Variants in FHOD3 observed in about 807,000 individuals in gnomAD.
The protein encoded by FHOD3 is FH1/FH2 domain-containing protein 3.
FHOD3 carries 90 observed loss-of-function variants against 173.0 expected under a neutral mutation model. That is an observed-to-expected ratio of 0.52 (90% CI 0.44 to 0.62). The LOEUF (loss-of-function observed/expected upper bound fraction) is 0.62, where lower values mean the gene tolerates loss of function less well. Among genes scored for constraint, FHOD3 ranks in the 20% least tolerant of loss-of-function variants. The pLI, the probability that FHOD3 is intolerant of heterozygous loss-of-function variation, is 0.00. For missense variants in FHOD3, 1,945 were observed against 2,034.7 expected, an observed-to-expected ratio of 0.96 and a Z score of 0.85; for synonymous variants, 828 against 823.0, an observed-to-expected ratio of 1.01 and a Z score of -0.10.
chr18:36,595,275 T>C (rs1364944010), intron 7 of FHOD3, among the ~76,000 whole-genome samples: 3 of 152,046 alleles, frequency 2.0e-5, no homozygotes. Flanking sequence ...CCCCAGATGT[T>C]TCTAGAACCT....
At position 36,297,958 on chromosome 18, in the gene FHOD3, C is replaced by A. The variant is rs1391654941; in HGVS notation, c.123C>A (p.Thr41=). Reference sequence around the variant, plus strand: ...TCCGCGAGGACCTCGCGCTCGGCACCCAGCTGGCGGGGGTCCATAGGCTGC... The same window carrying A: ...TCCGCGAGGACCTCGCGCTCGGCACACAGCTGGCGGGGGTCCATAGGCTGC... ...FTFREDLALG[T]QLAGVHRLLQ... is the part of the protein sequence containing the mutation. The change falls in exon 1 of 29, where the codon ACC becomes ACA. Residue 41 remains threonine, a synonymous_variant. Coordinates refer to ENST00000590592, the MANE Select transcript of FHOD3 (RefSeq NM_001281740.3). The A allele has an allele frequency of 1.9e-6, 3 of 1,566,314 alleles. No homozygotes were observed. Among genetic ancestry groups the A allele is most frequent in the East Asian group, 2.4e-5 (1 of 41,344 alleles).
rs1293964830 is a variant in FHOD3, at chr18:36,594,514, G to A, written c.607-273G>A. Among the ~76,000 whole-genome samples, 4 of 152,238 alleles carry A rather than the reference G, an allele frequency of 2.6e-5. 1 individual carries two copies. Among genetic ancestry groups the A allele is most frequent in the South Asian group, 4.1e-4 (2 of 4,820 alleles). Reference sequence around the variant, plus strand: ...CCAGGTGTGAGTTCTGGAGCCATGCGTCCTGGGTTCATGTCCTGGTGCTGT... The same window carrying A: ...CCAGGTGTGAGTTCTGGAGCCATGCATCCTGGGTTCATGTCCTGGTGCTGT... On this transcript the variant is annotated intron_variant, in intron 6 of 28. Coordinates refer to ENST00000590592, the MANE Select transcript of FHOD3 (RefSeq NM_001281740.3).
chr18:36,505,828 A>G (rs2055271265), intron 4 of FHOD3, among the ~76,000 whole-genome samples: 1 of 152,204 alleles, frequency 6.6e-6, no homozygotes, highest in African/African-American at 2.4e-5. Flanking sequence ...TCCTATGGGA[A>G]ATACGGGTGC....
intron 17 of FHOD3, among the ~76,000 whole-genome samples, chr18:36,707,365 A>G (rs1399190969): frequency 6.6e-6 from 1 of 152,074 alleles, no homozygotes; most frequent in African/African-American, 2.4e-5. Context: ...AAGATGCACA[A>G]CCTGTAATCA....
chr18:36,509,457 A>G (rs1283264883), intron 4 of FHOD3, among the ~76,000 whole-genome samples: 2 of 151,544 alleles, frequency 1.3e-5, no homozygotes, highest in African/African-American at 4.8e-5. Context: ...AAAAAAGAAA[A>G]CAGTATTTAT....
intron 22 of FHOD3, among the ~76,000 whole-genome samples, chr18:36,743,242 G>A (rs2041988878): frequency 7.4e-6 from 1 of 134,904 alleles, no homozygotes. Flanking sequence ...CCGGGAAGCA[G>A]AGGTTGCAGT....
chr18:36,452,517 A>C (rs920270263), intron 3 of FHOD3, among the ~76,000 whole-genome samples: 1 of 152,228 alleles, frequency 6.6e-6, no homozygotes, highest in South Asian at 2.1e-4. Flanking sequence ...GGTGTTAACT[A>C]TAGGCATAGT....
At chr18:36,476,347 T>A (rs1346780523) in intron 3 of FHOD3, among the ~76,000 whole-genome samples, 1 of 152,180 alleles carries the variant, frequency 6.6e-6, no homozygotes, top group Non-Finnish European at 1.5e-5. Flanking sequence ...CAGGAAGGAA[T>A]CTCTTTATTC....
intron 1 of FHOD3, among the ~76,000 whole-genome samples, chr18:36,301,902 G>A (rs557097480): frequency 1.2e-4 from 18 of 152,298 alleles, no homozygotes; most frequent in African/African-American, 3.4e-4. Flanking sequence ...TTTGTTGCCC[G>A]GAGTGAGCTG....
intron 10 of FHOD3, among the ~76,000 whole-genome samples, chr18:36,628,888 G>A (rs1448823726): frequency 2.0e-5 from 3 of 152,124 alleles, no homozygotes; most frequent in African/African-American, 7.2e-5. Context: ...CAAAAACAGG[G>A]CTGCTTCCTG....
chr18:36,550,444 A>G (rs2057603868), intron 5 of FHOD3, among the ~76,000 whole-genome samples: 1 of 151,696 alleles, frequency 6.6e-6, no homozygotes, highest in Non-Finnish European at 1.5e-5. Context: ...CATTTCCATA[A>G]GAATTTTGGT....
intron 3 of FHOD3, among the ~76,000 whole-genome samples, chr18:36,432,205 G>A (rs955553519): frequency 2.0e-5 from 3 of 152,046 alleles, no homozygotes; most frequent in Non-Finnish European, 4.4e-5. Context: ...ATTTTTGCCC[G>A]TGTTGTTTTA....
chr18:36,765,093 A>T (rs2043083136), intron 27 of FHOD3, among the ~76,000 whole-genome samples: 1 of 152,216 alleles, frequency 6.6e-6, no homozygotes, highest in Admixed American at 6.5e-5. Flanking sequence ...GATTTTCTCC[A>T]TGAGACATTT....
intron 3 of FHOD3, among the ~76,000 whole-genome samples, chr18:36,401,891 A>G (rs546360239): frequency 6.6e-6 from 1 of 152,332 alleles, no homozygotes; most frequent in South Asian, 2.1e-4. Flanking sequence ...TGTAAGTTAC[A>G]CAGAAAGGTT....
intron 5 of FHOD3, among the ~76,000 whole-genome samples, chr18:36,533,063 A>T (rs750422527): frequency 6.6e-6 from 1 of 152,140 alleles, no homozygotes; most frequent in Non-Finnish European, 1.5e-5. Flanking sequence ...GCACAATATT[A>T]TGCTTCCTCG....
chr18:36,724,826 T>C (rs577631310), intron 19 of FHOD3, among the ~76,000 whole-genome samples: 1 of 152,170 alleles, frequency 6.6e-6, no homozygotes, highest in Non-Finnish European at 1.5e-5. Flanking sequence ...ACTACGGGCA[T>C]GTTGGAGGCT....
intron 1 of FHOD3, among the ~76,000 whole-genome samples, chr18:36,344,440 T>A (rs1260356621): frequency 6.6e-6 from 1 of 152,060 alleles, no homozygotes. Context: ...CATATTAAAG[T>A]GGTCTAGTGT....
intron 1 of FHOD3, among the ~76,000 whole-genome samples, chr18:36,341,585 G>T (rs896089068): frequency 1.3e-5 from 2 of 152,050 alleles, no homozygotes; most frequent in Admixed American, 6.5e-5. Flanking sequence ...TTCTGCTGGG[G>T]AGAAAAAAAT....
chr18:36,330,490 T>G (rs993142951), intron 1 of FHOD3, among the ~76,000 whole-genome samples: 3 of 152,204 alleles, frequency 2.0e-5, no homozygotes, highest in Admixed American at 1.3e-4. Flanking sequence ...ACAGTTAAGT[T>G]TCTTCTCTTG....
Sources: gnomAD v4.1 joint callset for allele counts (sites outside exome capture counted in the v4.1 genomes callset) on GRCh38, gnomAD v4.1.1 for gene constraint, MANE v1.5 for transcripts, NCBI Gene and HGNC (gene_info 2026-07-23, HGNC 2026-07-21) for gene names.